Variants in PPP4R4 observed in about 807,000 individuals in gnomAD.
PPP4R4 encodes the protein protein phosphatase 4 regulatory subunit 4.
PPP4R4 carries 70 observed loss-of-function variants against 121.8 expected under a neutral mutation model. That is an observed-to-expected ratio of 0.57 (90% CI 0.47 to 0.70). PPP4R4 has a LOEUF of 0.70. Among genes scored for constraint, PPP4R4 ranks in the 30% least tolerant of loss-of-function variants. The probability of loss-of-function intolerance (pLI) is 0.00; values close to 1 mark genes in which losing one functional copy is unlikely to be tolerated. For missense variants in PPP4R4, 875 were observed against 1,033.6 expected, an observed-to-expected ratio of 0.85 and a Z score of 2.10; for synonymous variants, 348 against 355.7, an observed-to-expected ratio of 0.98 and a Z score of 0.24.
intron 22 of PPP4R4, 109 bp from the exon 23 acceptor site, chr14:94,266,850 T>G: frequency 1.4e-6 from 1 of 708,154 alleles, no homozygotes. Context: ...AAACGTTTCA[T>G]AAGTAGAGGA....
intron 3 of PPP4R4, among the ~76,000 whole-genome samples, chr14:94,208,805 A>G (rs1890593662): frequency 6.6e-6 from 1 of 152,056 alleles, no homozygotes; most frequent in South Asian, 2.1e-4. Flanking sequence ...CAGTAGAGAC[A>G]TTTTACTAAA....
In PPP4R4 at chr14:94,245,569, C is replaced by T. The variant is rs1892849529; in HGVS notation, c.1345-18C>T. On this transcript the variant is annotated intron_variant, in intron 12 of 24. Coordinates refer to ENST00000304338, the MANE Select transcript of PPP4R4 (RefSeq NM_058237.2). ...ACATAGTAATCACTATAACAGTAAT[C>T]AATATCTCTGTTAAAAGGTACTAGA... 1.5e-6 allele frequency: 2 copies of T among 1,361,576 alleles called. No individual in the cohort carries two copies. The highest frequency in any genetic ancestry group is 2.1e-6 in the Non-Finnish European group (2 of 971,022). The allele number at this position is 1,361,576 out of a possible 1,614,324, so 84.3% of individuals were successfully genotyped here. A position where few individuals can be genotyped will look rare whatever the true frequency, so the allele number is the denominator to read the frequency against.
At chr14:94,197,030 G>C (rs987513903) in intron 2 of PPP4R4, among the ~76,000 whole-genome samples, 1 of 151,854 alleles carries the variant, frequency 6.6e-6, no homozygotes, top group Non-Finnish European at 1.5e-5. Context: ...CTAATTTCAG[G>C]GCTCTAGAGC....
At chr14:94,243,220 C>A (rs538979372) in intron 11 of PPP4R4, among the ~76,000 whole-genome samples, 9 of 151,978 alleles carry the variant, frequency 5.9e-5, no homozygotes, top group African/African-American at 2.2e-4. Context: ...TTTAAAAGAA[C>A]GCTTTTTCTG....
intron 7 of PPP4R4, among the ~76,000 whole-genome samples, chr14:94,235,334 A>G (rs1892276182): frequency 1.4e-5 from 2 of 146,976 alleles, no homozygotes; most frequent in African/African-American, 2.5e-5. Flanking sequence ...AAGCCTTTCT[A>G]TAGCTCCTGT....
In PPP4R4 at chr14:94,275,413, C is replaced by G; in HGVS notation, c.2489C>G (p.Ser830Cys). Residue 830 changes from serine (S) to cysteine (C), a missense_variant, in exon 24 of 25, where the codon TCT becomes TGT. By Grantham distance (112) the Ser-to-Cys change is moderately radical. Transcript: ENST00000304338. ...ACTCGTAATGCCAGTAGCGTTCCAT[C>G]TTCCTTTTCTCCTAATACTCCCTTA... Reference protein sequence around the residue: ...FRTRNASSVPSSFSPNTPLPS... With the variant: ...FRTRNASSVPCSFSPNTPLPS... 1 of 1,614,032 alleles carries G rather than the reference C, an allele frequency of 6.2e-7. No individual in the cohort carries two copies. The highest frequency in any genetic ancestry group is 1.6e-4 in the Middle Eastern group (1 of 6,062).
At chr14:94,266,089 G>A (rs1894039177) in intron 22 of PPP4R4, among the ~76,000 whole-genome samples, 1 of 151,968 alleles carries the variant, frequency 6.6e-6, no homozygotes, top group South Asian at 2.1e-4. Context: ...TAGGTATTCT[G>A]GCATTCTAGG....
chr14:94,227,416 A>C, intron 3 of PPP4R4: 1 of 1,595,774 alleles, frequency 6.3e-7, no homozygotes, highest in Non-Finnish European at 8.5e-7. Flanking sequence ...GTTTCAGAAA[A>C]ATATGTTTAG....
At chr14:94,208,383 C>T in intron 2 of PPP4R4, 81 bp from the exon 3 acceptor site, 3 of 962,928 alleles carry the variant, frequency 3.1e-6, no homozygotes, top group Admixed American at 2.7e-5. Flanking sequence ...GTCATTTTTC[C>T]AATTAGTCCA....
At chr14:94,202,904 A>C (rs2139435361) in intron 2 of PPP4R4, among the ~76,000 whole-genome samples, 1 of 151,860 alleles carries the variant, frequency 6.6e-6, no homozygotes, top group South Asian at 2.1e-4. Context: ...AATAGCTTGA[A>C]CCAGGGAGTC....
intron 22 of PPP4R4, among the ~76,000 whole-genome samples, chr14:94,266,734 A>C (rs1307712969): frequency 6.6e-6 from 1 of 152,144 alleles, no homozygotes; most frequent in Admixed American, 6.5e-5. Context: ...CTCAAAAGAA[A>C]AACTGTAATT....
chr14:94,236,858 A>G (rs73344812), intron 7 of PPP4R4, among the ~76,000 whole-genome samples: 4,996 of 152,228 alleles, frequency 0.033, 232 homozygotes, highest in African/African-American at 0.097. Flanking sequence ...CTTGGACTCT[A>G]TCAACATCTT....
In PPP4R4 at chr14:94,251,740, T is replaced by C. The variant is rs887549986; in HGVS notation, c.1718-9T>C. The C allele has an allele frequency of 6.6e-7, 1 of 1,526,002 alleles. No homozygotes were observed. The allele number at this position is 1,526,002 out of a possible 1,614,324, so 94.5% of individuals were successfully genotyped here. Reference sequence around the variant, plus strand: ...ATTAACTTAAGATAATTTTTGTTGTTGTTTCTAGAATTGGGCCAAGGAAAA... The same window carrying C: ...ATTAACTTAAGATAATTTTTGTTGTCGTTTCTAGAATTGGGCCAAGGAAAA... On this transcript the variant is annotated splice_polypyrimidine_tract_variant and intron_variant, in intron 15 of 24. Coordinates refer to ENST00000304338, the MANE Select transcript of PPP4R4 (RefSeq NM_058237.2).
At chr14:94,237,830 C>T (rs1243248321) in intron 8 of PPP4R4, 144 bp downstream of exon 8, 3 of 1,158,992 alleles carry the variant, frequency 2.6e-6, no homozygotes, top group African/African-American at 1.6e-5. Flanking sequence ...ATTCTGTTTT[C>T]GTGTCTTCTT....
At chr14:94,242,196 T>C in intron 10 of PPP4R4, 93 bp from the exon 11 acceptor site, 1 of 1,418,048 alleles carries the variant, frequency 7.1e-7, no homozygotes, top group East Asian at 2.3e-5. Flanking sequence ...TCAGAGAACA[T>C]GATTTCAATT....
Position 94,237,582 on chromosome 14 carries a change from G to A in PPP4R4, c.749G>A (p.Ser250Asn). Residue 250 changes from serine (S) to asparagine (N), a missense_variant, in exon 8 of 25, where the codon AGT becomes AAT. Physicochemically the swap from Ser to Asn is conservative, Grantham distance 46. Transcript: ENST00000304338. ...TTGTGCAGGACAGAACTTACAAAAA[G>A]TGTGGTGCTCCCTGAATTAATAGAA... ...AQGIGTELTK[S>N]VVLPELIELS... 1.2e-6 allele frequency: 2 copies of A among 1,612,674 alleles called. No individual in the cohort carries two copies. Among genetic ancestry groups the A allele is most frequent in the East Asian group, 2.2e-5 (1 of 44,848 alleles).
At chr14:94,256,061 A>G (rs923847372) in intron 16 of PPP4R4, among the ~76,000 whole-genome samples, 2 of 152,162 alleles carry the variant, frequency 1.3e-5, no homozygotes, top group African/African-American at 4.8e-5. Flanking sequence ...CTTTGCTTAA[A>G]TATCATCTTT....
chr14:94,266,900 T>A (rs765508444), intron 22 of PPP4R4, 59 bp from the exon 23 acceptor site: 55 of 1,102,152 alleles, frequency 5.0e-5, no homozygotes, highest in Non-Finnish European at 7.4e-5. Context: ...AAGTGTTAGA[T>A]GACTGAGATT....
At chr14:94,245,513 G>T in intron 12 of PPP4R4, 74 bp from the exon 13 acceptor site, 1 of 752,452 alleles carries the variant, frequency 1.3e-6, no homozygotes, top group Non-Finnish European at 2.0e-6. Flanking sequence ...CTACTATATA[G>T]AAATTGACAT....
Sources: allele counts gnomAD v4.1 joint callset (sites outside exome capture counted in the v4.1 genomes callset), GRCh38; gene constraint gnomAD v4.1.1; transcripts MANE v1.5; gene names NCBI Gene and HGNC (gene_info 2026-07-23, HGNC 2026-07-21).